The following SOX5 variants were observed in gnomAD, a reference collection of about 807,000 sequenced individuals.
SOX5 encodes transcription factor SOX-5.
SOX5 carries 9 observed loss-of-function variants against 92.0 expected under a neutral mutation model. That is an observed-to-expected ratio of 0.10 (90% CI 0.06 to 0.17). The LOEUF is 0.17. SOX5 is among the 10% of genes least tolerant of loss of function. The pLI is 1.00. For synonymous variants in SOX5, 344 were observed against 336.3 expected (o/e 1.02, Z -0.25); for missense variants, 642 against 944.5 (o/e 0.68, Z 4.20).
chr12:24,052,281 A>G (rs1957636566), intron 4 of SOX5, among the ~76,000 whole-genome samples: 1 of 152,244 alleles, frequency 6.6e-6, no homozygotes, highest in African/African-American at 2.4e-5. Flanking sequence ...ACTGCATTAA[A>G]TGCAAAATTT....
chr12:23,530,818 T>TGTGTGTGTGTGCGCGCGC lies in SOX5; in HGVS notation c.*3400_*3401insGCGCGCGCACACACACAC. The TGTGTGTGTGTGCGCGCGC allele has an allele frequency of 2.0e-4, 27 of 132,050 alleles. No homozygotes were observed. The highest frequency in any genetic ancestry group is 3.8e-4 in the Non-Finnish European group (23 of 60,786). 8.2% of individuals were successfully genotyped at this position (132,050 alleles called of 1,614,324 possible). Reference sequence around the variant, plus strand: ...GGGCAAGTGTGTGTGTGTGTGTGTGTGCGCGCGCGCGCGCGCGCATGTGAG... The same window carrying TGTGTGTGTGTGCGCGCGC: ...GGGCAAGTGTGTGTGTGTGTGTGTGTGTGTGTGTGTGCGCGCGCGCGCGCGCGCGCGCGCGCATGTGAG... On this transcript the variant is annotated 3_prime_UTR_variant, in exon 15 of 15. Transcript: ENST00000451604.
chr12:24,133,222 T>C (rs542105580), intron 4 of SOX5, among the ~76,000 whole-genome samples: 25 of 152,326 alleles, frequency 1.6e-4, no homozygotes, highest in African/African-American at 5.8e-4. Context: ...TAGATTACTC[T>C]GTACATGTCA....
At chr12:24,150,712 A>G (rs943242311) in intron 4 of SOX5, among the ~76,000 whole-genome samples, 1 of 152,114 alleles carries the variant, frequency 6.6e-6, no homozygotes, top group Non-Finnish European at 1.5e-5. Context: ...AATAGAGGTA[A>G]AAATTGTGAA....
At chr12:24,374,333 GT>G (rs1236634975) in intron 1 of SOX5, among the ~76,000 whole-genome samples, 1 of 152,108 alleles carries the variant, frequency 6.6e-6, no homozygotes, top group Non-Finnish European at 1.5e-5. Context: ...CCTGTTTTTA[GT>G]CTTGTGTCCA....
intron 6 of SOX5, among the ~76,000 whole-genome samples, chr12:23,701,296 T>C (rs754796925): frequency 6.6e-6 from 1 of 152,096 alleles, no homozygotes; most frequent in Middle Eastern, 3.2e-3. Flanking sequence ...AACTAGTTTA[T>C]CAAGAAATCA....
chr12:23,713,144 AGAAAACAGTGTAG>A (rs1427441378), intron 6 of SOX5, among the ~76,000 whole-genome samples: 2 of 152,206 alleles, frequency 1.3e-5, no homozygotes, highest in Non-Finnish European at 2.9e-5. Context: ...GACATAGGGG[AGAAAACAGTGTAG>A]GGACAGAGGC....
intron 4 of SOX5, among the ~76,000 whole-genome samples, chr12:23,973,728 C>T (rs1948610861): frequency 6.6e-6 from 1 of 152,122 alleles, no homozygotes; most frequent in African/African-American, 2.4e-5. Flanking sequence ...TGTTAGGAAC[C>T]GGGCCACAGG....
At chr12:23,617,876 T>C (rs1346442136) in intron 8 of SOX5, among the ~76,000 whole-genome samples, 2 of 152,200 alleles carry the variant, frequency 1.3e-5, no homozygotes, top group Admixed American at 6.5e-5. Flanking sequence ...CCCCAACTGA[T>C]AGTTTCTCTT....
intron 3 of SOX5, among the ~76,000 whole-genome samples, chr12:23,842,493 C>T (rs922809634): frequency 3.3e-5 from 5 of 152,232 alleles, no homozygotes; most frequent in African/African-American, 7.2e-5. Flanking sequence ...CTCAAAGGAA[C>T]GATACGTCAG....
upstream of SOX5, among the ~76,000 whole-genome samples, chr12:23,950,201 AAGAATTGTTATTCC>A (rs1472629516): frequency 6.6e-6 from 1 of 151,894 alleles, no homozygotes; most frequent in East Asian, 1.9e-4. Flanking sequence ...TTTTTACACA[AAGAATTGTTATTCC>A]TTCTCACCCT....
intron 4 of SOX5, among the ~76,000 whole-genome samples, chr12:24,091,617 T>C (rs1944663838): frequency 6.6e-6 from 1 of 152,000 alleles, no homozygotes; most frequent in South Asian, 2.1e-4. Context: ...AGAATACTAT[T>C]TTATAGCAAA....
intron 2 of SOX5, among the ~76,000 whole-genome samples, chr12:23,892,394 C>T (rs2097138010): frequency 6.6e-6 from 1 of 152,040 alleles, no homozygotes; most frequent in Non-Finnish European, 1.5e-5. Context: ...GCATTGTGTC[C>T]ACAGTAGGAT....
chr12:24,361,830 C>G (rs969097388), intron 2 of SOX5, among the ~76,000 whole-genome samples: 2 of 152,208 alleles, frequency 1.3e-5, no homozygotes, highest in Non-Finnish European at 2.9e-5. Context: ...GTACAGCAGT[C>G]TCTCTGGGAT....
intron 1 of SOX5, among the ~76,000 whole-genome samples, chr12:24,532,093 C>A (rs1325494152): frequency 6.6e-6 from 1 of 152,078 alleles, no homozygotes; most frequent in African/African-American, 2.4e-5. Context: ...AAAACAGGAG[C>A]CGGGGAGGTC....
At chr12:24,194,661 TC>T (rs1178103169) in intron 4 of SOX5, among the ~76,000 whole-genome samples, 1 of 152,186 alleles carries the variant, frequency 6.6e-6, no homozygotes, top group Admixed American at 6.5e-5. Context: ...CAAAGACTCA[TC>T]CTACTGTTAA....
At chr12:24,392,444 G>A (rs1348376882) in intron 1 of SOX5, among the ~76,000 whole-genome samples, 2 of 152,090 alleles carry the variant, frequency 1.3e-5, no homozygotes, top group Non-Finnish European at 2.9e-5. Context: ...TGGAAGTTAA[G>A]AAGCTCAGTG....
chr12:23,838,843 T>TG (rs780799319), intron 3 of SOX5, among the ~76,000 whole-genome samples: 3,478 of 37,768 alleles, frequency 0.092, 142 homozygotes, highest in Non-Finnish European at 0.11. Flanking sequence ...TCTTTTTTTT[T>TG]GGGGGGGGGG....
chr12:24,422,969 C>T (rs528331935), intron 1 of SOX5, among the ~76,000 whole-genome samples: 18 of 152,300 alleles, frequency 1.2e-4, no homozygotes, highest in Admixed American at 5.2e-4. Context: ...TATGATGGCA[C>T]CACTGCACTC....
chr12:23,725,231 C>T (rs1461051819), intron 6 of SOX5, among the ~76,000 whole-genome samples: 1 of 152,120 alleles, frequency 6.6e-6, no homozygotes, highest in Non-Finnish European at 1.5e-5. Flanking sequence ...TTAGTCTGTT[C>T]TCACACTGCT....
Sources: gnomAD v4.1 joint callset for allele counts (sites outside exome capture counted in the v4.1 genomes callset) on GRCh38, gnomAD v4.1.1 for gene constraint, MANE v1.5 for transcripts, NCBI Gene and HGNC (gene_info 2026-07-23, HGNC 2026-07-21) for gene names.